PRKG2: variants seen among roughly 807,000 people sequenced by gnomAD.
PRKG2 encodes the protein cGMP-dependent protein kinase 2.
In PRKG2, 33 loss-of-function variants were observed where a neutral mutation model predicts 97.2. The observed-to-expected ratio is 0.34, with a 90% CI of 0.26 to 0.45. The LOEUF (loss-of-function observed/expected upper bound fraction) is 0.45. Ranked by LOEUF, PRKG2 falls within the 20% of genes least tolerant of loss-of-function variation. The probability of loss-of-function intolerance (pLI) is 1.00; values close to 1 mark genes in which losing one functional copy is unlikely to be tolerated. For synonymous variants in PRKG2, 330 were observed against 321.8 expected, an observed-to-expected ratio of 1.03 and a Z score of -0.27; for missense variants, 638 against 900.0, an observed-to-expected ratio of 0.71 and a Z score of 3.73.
At chr4:81,107,882 A>C (rs1401835177) in intron 15 of PRKG2, among the ~76,000 whole-genome samples, 2 of 152,154 alleles carry the variant, frequency 1.3e-5, no homozygotes, top group African/African-American at 4.8e-5. Context: ...AATTTGGATA[A>C]CATTTTAACT....
chr4:81,174,853 G>A lies in PRKG2; in HGVS notation c.568C>T (p.Gln190Ter), dbSNP rs867102677. 1 of 1,613,284 alleles carries A rather than the reference G, an allele frequency of 6.2e-7. No individual in the cohort carries two copies. The highest frequency in any genetic ancestry group is 1.7e-5 in the Admixed American group (1 of 59,992). ...MVECMYGRNY[Q>*]QGSYIIKQGE... Reference sequence around the variant, plus strand: ...TGCTTAATAATGTAACTCCCTTGCTGATAGTTTCTCCCATACATGCATTCC... The same window carrying A: ...TGCTTAATAATGTAACTCCCTTGCTAATAGTTTCTCCCATACATGCATTCC... Residue 190 changes from glutamine (Q) to a stop codon, truncating the protein, a stop_gained, in exon 3 of 19, where the codon CAG (glutamine) becomes TAG (stop). Transcript: ENST00000264399. LOFTEE classifies it high-confidence loss of function.
chr4:81,095,055 C>T (rs181269952), intron 17 of PRKG2, among the ~76,000 whole-genome samples: 6 of 152,208 alleles, frequency 3.9e-5, no homozygotes. Flanking sequence ...GTTGGCCATA[C>T]CAGAAGTTAG....
chr4:81,093,651 T>C (rs555464143), intron 17 of PRKG2, among the ~76,000 whole-genome samples: 1 of 152,278 alleles, frequency 6.6e-6, no homozygotes, highest in South Asian at 2.1e-4. Flanking sequence ...GAAACACACT[T>C]AAGCAGAAAA....
At chr4:81,170,346 T>C (rs965487443) in intron 4 of PRKG2, among the ~76,000 whole-genome samples, 1 of 152,086 alleles carries the variant, frequency 6.6e-6, no homozygotes, top group Admixed American at 6.6e-5. Flanking sequence ...CAGTAAAGAC[T>C]TAAGGGCAAG....
At chr4:81,158,649 G>A (rs1176008192) in intron 6 of PRKG2, among the ~76,000 whole-genome samples, 2 of 151,944 alleles carry the variant, frequency 1.3e-5, no homozygotes, top group Non-Finnish European at 2.9e-5. Flanking sequence ...AGTCAATCCT[G>A]AGCCAAAAGA....
chr4:81,149,508 A>G (rs1384300108), intron 8 of PRKG2, among the ~76,000 whole-genome samples: 2 of 152,162 alleles, frequency 1.3e-5, no homozygotes, highest in Admixed American at 6.6e-5. Flanking sequence ...AAATTGATAA[A>G]TTGTAGTGTA....
At chr4:81,096,148 G>A (rs1742090742) in intron 17 of PRKG2, among the ~76,000 whole-genome samples, 1 of 152,124 alleles carries the variant, frequency 6.6e-6, no homozygotes, top group East Asian at 1.9e-4. Flanking sequence ...ATAAGACAAT[G>A]ATAAAGTTTG....
chr4:81,206,464 A>G (rs1008367441), intron 1 of PRKG2, among the ~76,000 whole-genome samples: 2 of 152,152 alleles, frequency 1.3e-5, no homozygotes, highest in Non-Finnish European at 2.9e-5. Flanking sequence ...GCCTTCCGCC[A>G]TGATTATGAG....
At chr4:81,146,129 T>C (rs71596054) in intron 9 of PRKG2, among the ~76,000 whole-genome samples, 9,996 of 152,244 alleles carry the variant, frequency 0.066, 543 homozygotes, top group Non-Finnish European at 0.097. Flanking sequence ...AAGGAAACAC[T>C]CTTACTTTGT....
intron 6 of PRKG2, among the ~76,000 whole-genome samples, chr4:81,164,456 A>G (rs1749818296): frequency 6.6e-6 from 1 of 152,158 alleles, no homozygotes; most frequent in Non-Finnish European, 1.5e-5. Context: ...ACAGGAAAAA[A>G]AAAAATCCTG....
intron 2 of PRKG2, among the ~76,000 whole-genome samples, chr4:81,180,986 C>G (rs912029533): frequency 8.5e-6 from 1 of 117,056 alleles, no homozygotes; most frequent in Non-Finnish European, 1.8e-5. Context: ...CCTCCCCCCT[C>G]CCCCCACCCC....
intron 2 of PRKG2, among the ~76,000 whole-genome samples, chr4:81,186,982 A>T (rs1751938161): frequency 7.0e-6 from 1 of 143,504 alleles, no homozygotes; most frequent in Admixed American, 6.7e-5. Flanking sequence ...GGCAGTAATT[A>T]ATAGCCTACC....
intron 6 of PRKG2, among the ~76,000 whole-genome samples, chr4:81,161,043 GA>G (rs538861973): frequency 1.3e-5 from 2 of 152,148 alleles, no homozygotes; most frequent in East Asian, 3.9e-4. Flanking sequence ...TTTTAGACTT[GA>G]AAATAAATTC....
chr4:81,130,711 G>C (rs970488137), intron 14 of PRKG2, among the ~76,000 whole-genome samples: 2 of 152,164 alleles, frequency 1.3e-5, no homozygotes, highest in African/African-American at 4.8e-5. Flanking sequence ...ATCTAGAGAG[G>C]CAGTCTGGCT....
chr4:81,115,084 A>G (rs1289074034), intron 14 of PRKG2, among the ~76,000 whole-genome samples: 4 of 152,074 alleles, frequency 2.6e-5, no homozygotes, highest in African/African-American at 9.7e-5. Context: ...TATTGCAAAA[A>G]TGCTTCTATT....
chr4:81,215,930 T>C (rs1472033358), upstream of PRKG2, among the ~76,000 whole-genome samples: 1 of 152,006 alleles, frequency 6.6e-6, no homozygotes, highest in African/African-American at 2.4e-5. Flanking sequence ...TAAATATATA[T>C]GTACACCCCA....
At chr4:81,113,607 T>G (rs1309523432) in intron 14 of PRKG2, among the ~76,000 whole-genome samples, 1 of 152,192 alleles carries the variant, frequency 6.6e-6, no homozygotes, top group East Asian at 1.9e-4. Flanking sequence ...TTGCTGGAGC[T>G]GGTATCCAGT....
intron 15 of PRKG2, among the ~76,000 whole-genome samples, chr4:81,106,468 T>C (rs1180435324): frequency 1.3e-5 from 2 of 152,008 alleles, no homozygotes; most frequent in East Asian, 3.9e-4. Flanking sequence ...ATAGATGAAG[T>C]GGGCTATCAG....
At chr4:81,202,998 A>AT (rs1696017496) in intron 2 of PRKG2, among the ~76,000 whole-genome samples, 1 of 151,968 alleles carries the variant, frequency 6.6e-6, no homozygotes, top group Non-Finnish European at 1.5e-5. Context: ...TATTTGTAAC[A>AT]TTTTTGTGAG....
Sources: allele counts gnomAD v4.1 joint callset (sites outside exome capture counted in the v4.1 genomes callset), GRCh38; gene constraint gnomAD v4.1.1; transcripts MANE v1.5; gene names NCBI Gene and HGNC (gene_info 2026-07-23, HGNC 2026-07-21).